The following CSRNP3 variants were observed in gnomAD, a reference collection of about 807,000 sequenced individuals.
CSRNP3 encodes cysteine/serine-rich nuclear protein 3.
Under a neutral mutation model 48.0 loss-of-function variants are expected in CSRNP3, and 12 were observed. The ratio of observed to expected loss-of-function variants is 0.25; its 90% CI spans 0.16 to 0.41. The LOEUF is 0.41. Ranked by LOEUF, CSRNP3 falls within the 10% of genes least tolerant of loss-of-function variation. The pLI, the probability that CSRNP3 is intolerant of heterozygous loss-of-function variation, is 1.00. For missense variants in CSRNP3, 580 were observed against 724.4 expected (o/e 0.80, Z 2.29); for synonymous variants, 263 against 269.7 (o/e 0.98, Z 0.24).
intron 3 of CSRNP3, among the ~76,000 whole-genome samples, chr2:165,577,110 T>A (rs1488965560): frequency 1.3e-5 from 2 of 151,598 alleles, no homozygotes; most frequent in African/African-American, 2.4e-5. Context: ...ATTATTGCTA[T>A]ATTTGTTCTC....
At chr2:165,609,498 A>G (rs1487490298) in intron 4 of CSRNP3, among the ~76,000 whole-genome samples, 4 of 148,062 alleles carry the variant, frequency 2.7e-5, no homozygotes, top group Non-Finnish European at 4.5e-5. Flanking sequence ...AGAGGCAAGT[A>G]ATGTAATATC....
At chr2:165,506,814 T>G (rs1684432772) in intron 2 of CSRNP3, among the ~76,000 whole-genome samples, 1 of 152,136 alleles carries the variant, frequency 6.6e-6, no homozygotes. Flanking sequence ...CCGCATACTC[T>G]TCACTGAATC....
chr2:165,678,033 G>A (rs1407729791), intron 6 of CSRNP3, among the ~76,000 whole-genome samples: 1 of 152,148 alleles, frequency 6.6e-6, no homozygotes, highest in African/African-American at 2.4e-5. Flanking sequence ...TCATAGTCAT[G>A]AATGTGCATA....
chr2:165,615,688 T>G (rs1686227973), intron 4 of CSRNP3, among the ~76,000 whole-genome samples: 1 of 152,108 alleles, frequency 6.6e-6, no homozygotes, highest in Non-Finnish European at 1.5e-5. Flanking sequence ...TCTGCATGCT[T>G]TTGTATTCTG....
chr2:165,591,751 T>C (rs145966225), intron 3 of CSRNP3, among the ~76,000 whole-genome samples: 38 of 152,320 alleles, frequency 2.5e-4, no homozygotes, highest in African/African-American at 8.7e-4. Flanking sequence ...AAGTCAAGAA[T>C]TGAGGCTTGG....
chr2:165,536,482 A>G (rs1468449064), intron 3 of CSRNP3, among the ~76,000 whole-genome samples: 1 of 151,984 alleles, frequency 6.6e-6, no homozygotes, highest in Non-Finnish European at 1.5e-5. Context: ...ATGACAACAT[A>G]AAAACCACAC....
chr2:165,477,583 C>T (rs992117128), intron 1 of CSRNP3, among the ~76,000 whole-genome samples: 28 of 149,074 alleles, frequency 1.9e-4, no homozygotes, highest in Non-Finnish European at 1.8e-4. Flanking sequence ...GCAGGGGAAT[C>T]GCTTGAACCC....
At chr2:165,501,189 A>G (rs1684355518) in intron 2 of CSRNP3, among the ~76,000 whole-genome samples, 1 of 152,214 alleles carries the variant, frequency 6.6e-6, no homozygotes, top group Admixed American at 6.6e-5. Flanking sequence ...GTTACATAAG[A>G]CAGATGTCAT....
chr2:165,647,854 G>A (rs1284127202), intron 4 of CSRNP3, among the ~76,000 whole-genome samples: 2 of 152,102 alleles, frequency 1.3e-5, no homozygotes, highest in Non-Finnish European at 1.5e-5. Context: ...GCTAGGCTAG[G>A]CTGTTACGAT....
intron 5 of CSRNP3, among the ~76,000 whole-genome samples, chr2:165,666,002 A>AAG (rs1687183212): frequency 4.4e-5 from 6 of 136,704 alleles, no homozygotes; most frequent in Non-Finnish European, 8.0e-5. Flanking sequence ...GGAAGGAAGG[A>AAG]TAGAGAGGAA....
Position 165,683,110 on chromosome 2 carries a change from A to G in CSRNP3, c.*3357A>G, listed in dbSNP as rs926510801. 6.6e-6 allele frequency: 1 copy of G among 152,064 alleles called. No individual in the cohort carries two copies. The highest frequency in any genetic ancestry group is 1.5e-5 in the Non-Finnish European group (1 of 68,000). The allele number at this position is 152,064 out of a possible 1,614,324, so 9.4% of individuals were successfully genotyped here. On this transcript the variant is annotated 3_prime_UTR_variant, in exon 7 of 7. Transcript: ENST00000651982. ...TCCCAATTTCCTTTGGGAGAAGTCA[A>G]TGAAAGAGATTTACTTAAGTTTTTC...
intron 2 of CSRNP3, among the ~76,000 whole-genome samples, chr2:165,495,340 A>T (rs1221148069): frequency 6.6e-6 from 1 of 152,054 alleles, no homozygotes; most frequent in Non-Finnish European, 1.5e-5. Context: ...TTTCTTTTTT[A>T]AAAGATTGCT....
intron 4 of CSRNP3, among the ~76,000 whole-genome samples, chr2:165,598,748 TAGCTTTGTATTAAATATAATCTGGCAG>T (rs1685851580): frequency 6.6e-6 from 1 of 152,246 alleles, no homozygotes; most frequent in African/African-American, 2.4e-5. Flanking sequence ...CATGCTGTTT[TAGCTTTGTATTAAATATAATCTGGCAG>T]AGATTTTTCT....
At chr2:165,490,118 A>G (rs1322001358) in intron 1 of CSRNP3, among the ~76,000 whole-genome samples, 1 of 149,170 alleles carries the variant, frequency 6.7e-6, no homozygotes, top group African/African-American at 2.5e-5. Context: ...TACAAAATCA[A>G]TGTACAAAAA....
intron 2 of CSRNP3, among the ~76,000 whole-genome samples, chr2:165,495,461 T>C (rs1426833654): frequency 3.9e-5 from 6 of 152,058 alleles, no homozygotes; most frequent in Admixed American, 2.0e-4. Context: ...GCTTTCTTCA[T>C]GTATATACTT....
At chr2:165,586,870 G>GT (rs1278575871) in intron 3 of CSRNP3, among the ~76,000 whole-genome samples, 1 of 152,150 alleles carries the variant, frequency 6.6e-6, no homozygotes, top group Admixed American at 6.5e-5. Flanking sequence ...TAAAATGAAT[G>GT]TTTTTATCCG....
intron 4 of CSRNP3, among the ~76,000 whole-genome samples, chr2:165,653,261 T>C (rs1686944641): frequency 6.6e-6 from 1 of 152,206 alleles, no homozygotes; most frequent in South Asian, 2.1e-4. Context: ...CTTGTAGTAT[T>C]TTGAAGACTT....
intron 3 of CSRNP3, among the ~76,000 whole-genome samples, chr2:165,539,369 T>C (rs1411771891): frequency 6.6e-6 from 1 of 151,956 alleles, no homozygotes; most frequent in Non-Finnish European, 1.5e-5. Context: ...TTCTTCCCAG[T>C]CATATACACA....
chr2:165,662,674 G>T (rs908511901), intron 5 of CSRNP3, among the ~76,000 whole-genome samples: 1 of 152,140 alleles, frequency 6.6e-6, no homozygotes, highest in Non-Finnish European at 1.5e-5. Context: ...AAAGAACATT[G>T]GTGTTCCAAT....
Sources: allele counts gnomAD v4.1 joint callset (sites outside exome capture counted in the v4.1 genomes callset), GRCh38; gene constraint gnomAD v4.1.1; transcripts MANE v1.5; gene names NCBI Gene and HGNC (gene_info 2026-07-23, HGNC 2026-07-21).